Variants in EML5 observed in about 807,000 individuals in gnomAD.
The protein encoded by EML5 is EMAP like 5, also known as echinoderm microtubule-associated protein-like 5.
Under a neutral mutation model 250.0 loss-of-function variants are expected in EML5, and 120 were observed. The observed-to-expected ratio is 0.48, with a 90% confidence interval of 0.41 to 0.56. EML5 has a LOEUF of 0.56. Among genes scored for constraint, EML5 ranks in the 20% least tolerant of loss-of-function variants. The pLI is 0.00. For synonymous variants in EML5, 771 were observed against 806.5 expected (o/e 0.96, Z 0.75); for missense variants, 2,006 against 2,437.6 (o/e 0.82, Z 3.73).
intron 33 of EML5, among the ~76,000 whole-genome samples, chr14:88,629,622 T>G (rs2090315042): frequency 6.6e-6 from 1 of 152,220 alleles, no homozygotes; most frequent in African/African-American, 2.4e-5. Context: ...CCTCCACCTG[T>G]TCCAGGAGGC....
At chr14:88,621,752 A>G in intron 37 of EML5, 1 of 344,956 alleles carries the variant, frequency 2.9e-6, no homozygotes, top group Middle Eastern at 9.8e-4. Context: ...ACGCTCAAAA[A>G]TTTTCATAGG....
At chr14:88,617,638 A>T (rs999534492) in intron 41 of EML5, 29 of 152,164 alleles carry the variant, frequency 1.9e-4, no homozygotes, top group African/African-American at 6.3e-4. Flanking sequence ...CATAGGAATT[A>T]AAAAAATTTC....
chr14:88,772,967 C>T (rs537334503), intron 1 of EML5, among the ~76,000 whole-genome samples: 5 of 152,206 alleles, frequency 3.3e-5, no homozygotes, highest in Non-Finnish European at 7.3e-5. Flanking sequence ...CTCAGAGAAG[C>T]TCTCCCTAAC....
chr14:88,709,374 TTA>T (rs1001894243), intron 10 of EML5, among the ~76,000 whole-genome samples: 3 of 149,888 alleles, frequency 2.0e-5, no homozygotes, highest in African/African-American at 7.6e-5. Flanking sequence ...ATTTGTATTA[TTA>T]GAGTATATAA....
intron 1 of EML5, among the ~76,000 whole-genome samples, chr14:88,779,073 T>C (rs539684395): frequency 6.6e-6 from 1 of 152,316 alleles, no homozygotes; most frequent in African/African-American, 2.4e-5. Flanking sequence ...TTCAAGGTAA[T>C]CACTGCTCCA....
Position 88,644,332 on chromosome 14 carries a change from A to G in EML5, c.4107+101T>C, listed in dbSNP as rs1385171258. The G allele has an allele frequency of 2.0e-5, 21 of 1,071,938 alleles. No homozygotes were observed. The East Asian group carries it at 5.3e-4, about 27-fold the overall frequency. 66.4% of individuals were successfully genotyped at this position (1,071,938 alleles called of 1,614,324 possible). On this transcript the variant is annotated intron_variant, in intron 30 of 43. Coordinates refer to ENST00000554922, the MANE Select transcript of EML5 (RefSeq NM_183387.3). ...TAAGTCAAACAAAAAACAGTACTCA[A>G]ATACACTGATTTTCATGAAAACTAA...
chr14:88,688,581 T>A, intron 17 of EML5, 108 bp from the exon 18 acceptor site: 1 of 1,109,282 alleles, frequency 9.0e-7, no homozygotes, highest in Non-Finnish European at 1.3e-6. Context: ...TAGTAAGGCA[T>A]GCAACAGTAA....
intron 1 of EML5, among the ~76,000 whole-genome samples, chr14:88,756,492 T>C (rs2094161395): frequency 6.6e-6 from 1 of 152,112 alleles, no homozygotes; most frequent in Admixed American, 6.6e-5. Flanking sequence ...TTAGATATTC[T>C]AGCCAAGAAA....
At chr14:88,714,043 G>T (rs1054813017) in intron 9 of EML5, among the ~76,000 whole-genome samples, 2 of 145,986 alleles carry the variant, frequency 1.4e-5, no homozygotes, top group Middle Eastern at 8.6e-3. Context: ...TCGCCATGTT[G>T]CCCAGGCTGG....
At chr14:88,698,743 G>GAGC (rs763674198) in intron 14 of EML5, among the ~76,000 whole-genome samples, 1 of 151,982 alleles carries the variant, frequency 6.6e-6, no homozygotes, top group East Asian at 1.9e-4. Context: ...TCCTTCTCTC[G>GAGC]AGCAGTTACT....
At chr14:88,619,340 G>A (rs190503790) in intron 39 of EML5, 4 of 152,512 alleles carry the variant, frequency 2.6e-5, no homozygotes, top group Admixed American at 2.6e-4. Context: ...ACTTCAGCAT[G>A]GGCAACAAGA....
intron 31 of EML5, among the ~76,000 whole-genome samples, chr14:88,639,428 G>A (rs1285992654): frequency 6.6e-6 from 1 of 152,194 alleles, no homozygotes; most frequent in Non-Finnish European, 1.5e-5. Flanking sequence ...AGGATTTTGA[G>A]TGTCAGCCCA....
chr14:88,725,934 C>T (rs1052286871), intron 8 of EML5, among the ~76,000 whole-genome samples: 1 of 152,098 alleles, frequency 6.6e-6, no homozygotes, highest in Non-Finnish European at 1.5e-5. Context: ...AGCAACTGAG[C>T]GAAGGATCTT....
chr14:88,731,428 A>G (rs1003142452), intron 7 of EML5, among the ~76,000 whole-genome samples: 3 of 152,104 alleles, frequency 2.0e-5, no homozygotes, highest in Non-Finnish European at 4.4e-5. Flanking sequence ...ATAGTATTCC[A>G]TGGTGTATAT....
chr14:88,782,271 T>C (rs573739735), intron 1 of EML5, among the ~76,000 whole-genome samples: 1 of 152,136 alleles, frequency 6.6e-6, no homozygotes, highest in East Asian at 1.9e-4. Context: ...ACTTTGAACT[T>C]AAGAGAGATG....
intron 10 of EML5, among the ~76,000 whole-genome samples, chr14:88,708,386 T>C (rs912307113): frequency 2.6e-5 from 4 of 152,154 alleles, no homozygotes; most frequent in Admixed American, 6.5e-5. Context: ...ACTTGTTAAC[T>C]CCTCCAATAA....
intron 1 of EML5, among the ~76,000 whole-genome samples, chr14:88,755,430 C>G (rs2094146457): frequency 1.3e-5 from 2 of 151,976 alleles, no homozygotes; most frequent in South Asian, 4.2e-4. Context: ...AACACTAATT[C>G]TTAAATTATA....
At chr14:88,625,773 A>G (rs1831312471) in intron 35 of EML5, 1 of 152,268 alleles carries the variant, frequency 6.6e-6, no homozygotes, top group African/African-American at 2.4e-5. Flanking sequence ...GACATGGCAC[A>G]AACATTTCAA....
At chr14:88,731,285 T>G (rs548909143) in intron 7 of EML5, among the ~76,000 whole-genome samples, 185 of 138,164 alleles carry the variant, frequency 1.3e-3, no homozygotes, top group Non-Finnish European at 2.1e-3. Context: ...TGTTCTCATT[T>G]TTCAATTCCC....
Sources: allele counts gnomAD v4.1 joint callset (sites outside exome capture counted in the v4.1 genomes callset), GRCh38; gene constraint gnomAD v4.1.1; transcripts MANE v1.5; gene names NCBI Gene and HGNC (gene_info 2026-07-23, HGNC 2026-07-21).